The following ACSS3 variants were observed in gnomAD, a reference collection of about 807,000 sequenced individuals.
ACSS3 encodes acyl-CoA synthetase short-chain family member 3, mitochondrial.
Under a neutral mutation model 84.2 loss-of-function variants are expected in ACSS3, and 64 were observed. That is an observed-to-expected ratio of 0.76 (90% confidence interval 0.62 to 0.94). The LOEUF is 0.94. ACSS3 is among the 40% of genes least tolerant of loss of function. ACSS3 has a pLI of 0.00. For synonymous variants in ACSS3, 317 were observed against 310.1 expected (o/e 1.02, Z -0.23); for missense variants, 815 against 867.6 (o/e 0.94, Z 0.76).
intron 2 of ACSS3, among the ~76,000 whole-genome samples, chr12:81,119,646 C>T (rs568204392): frequency 4.6e-5 from 7 of 152,216 alleles, no homozygotes; most frequent in Admixed American, 6.5e-5. Flanking sequence ...CCTACTTGCA[C>T]GTCCATTTAT....
chr12:81,186,385 G>GCAGA lies in ACSS3; in HGVS notation c.1250+11448_1250+11449insGACA, dbSNP rs770334709. On this transcript the variant is annotated intron_variant, in intron 8 of 15. Coordinates refer to ENST00000548058, the MANE Select transcript of ACSS3 (RefSeq NM_024560.4). ...GAATTACATGAAACTAACAAGCTCT[G>GCAGA]CACAGCAAAGGAAACAGCTAACAAA... 7.2e-5 allele frequency among the ~76,000 whole-genome samples: 11 copies of GCAGA among 151,888 alleles called. No homozygotes were observed. In the East Asian group the frequency reaches 1.9e-3, roughly 27 times the overall value.
At chr12:81,125,710 C>A (rs1885044514) in intron 2 of ACSS3, 1 of 152,128 alleles carries the variant, frequency 6.6e-6, no homozygotes, top group South Asian at 2.1e-4. Flanking sequence ...ATTCTCAGTT[C>A]TGTGTCATCA....
At chr12:81,100,216 G>GTTTTTTT (rs34512313) in intron 1 of ACSS3, among the ~76,000 whole-genome samples, 4 of 106,556 alleles carry the variant, frequency 3.8e-5, no homozygotes, top group South Asian at 3.4e-4. Context: ...AAAATTACCA[G>GTTTTTTT]TTTTTTTTTT....
chr12:81,242,629 A>G (rs1195334443), intron 13 of ACSS3, among the ~76,000 whole-genome samples: 1 of 146,556 alleles, frequency 6.8e-6, no homozygotes, highest in African/African-American at 2.5e-5. Flanking sequence ...GGCAAACTGA[A>G]TCCAGCAGCA....
At chr12:81,122,994 G>A (rs1884765591) in intron 2 of ACSS3, among the ~76,000 whole-genome samples, 1 of 152,080 alleles carries the variant, frequency 6.6e-6, no homozygotes, top group African/African-American at 2.4e-5. Flanking sequence ...TCTGAGTGGT[G>A]TTTGGGTTCC....
intron 7 of ACSS3, among the ~76,000 whole-genome samples, chr12:81,168,129 G>A (rs757577775): frequency 6.6e-6 from 1 of 152,078 alleles, no homozygotes; most frequent in African/African-American, 2.4e-5. Flanking sequence ...TAAATTGTTG[G>A]TTCTTTGAGA....
intron 7 of ACSS3, 52 bp downstream of exon 7, chr12:81,152,148 C>G: frequency 2.7e-6 from 4 of 1,495,128 alleles, no homozygotes; most frequent in Non-Finnish European, 3.7e-6. Flanking sequence ...TTTATTAAAA[C>G]TTTTCATGAA....
chr12:81,184,380 G>A (rs2031128073), intron 8 of ACSS3, among the ~76,000 whole-genome samples: 1 of 151,686 alleles, frequency 6.6e-6, no homozygotes, highest in Admixed American at 6.6e-5. Flanking sequence ...ACCCCTCAAG[G>A]AATGCAAAAC....
intron 9 of ACSS3, among the ~76,000 whole-genome samples, chr12:81,203,400 T>A (rs897091093): frequency 2.6e-5 from 4 of 152,190 alleles, no homozygotes; most frequent in African/African-American, 7.2e-5. Flanking sequence ...GATTGCTAGG[T>A]ATTTCTTAAT....
intron 5 of ACSS3, among the ~76,000 whole-genome samples, chr12:81,150,987 C>T (rs542167627): frequency 1.3e-5 from 2 of 152,178 alleles, no homozygotes; most frequent in Non-Finnish European, 2.9e-5. Flanking sequence ...TTCACCTACT[C>T]ATTCTGAGTA....
Position 81,230,714 on chromosome 12 carries a change from T to C in ACSS3, c.1515-343T>C, listed in dbSNP as rs189413503. 1.6e-3 allele frequency among the ~76,000 whole-genome samples: 246 copies of C among 152,050 alleles called. 1 individual carries two copies. The highest frequency in any genetic ancestry group is 5.6e-3 in the African/African-American group (231 of 41,540). On this transcript the variant is annotated intron_variant, in intron 11 of 15. Coordinates refer to ENST00000548058, the MANE Select transcript of ACSS3 (RefSeq NM_024560.4). ...TAACTTTTCAATGGTGAAATAATAG[T>C]TTTCTAAGAAAGTAATTCAATGACA...
At chr12:81,184,800 CCAAA>C (rs938329179) in intron 8 of ACSS3, among the ~76,000 whole-genome samples, 28 of 151,724 alleles carry the variant, frequency 1.8e-4, no homozygotes, top group African/African-American at 6.3e-4. Context: ...CTGAATTTTA[CCAAA>C]CATTCAAAAA....
Position 81,186,910 on chromosome 12 carries a change from A to G in ACSS3, c.1250+11971A>G, listed in dbSNP as rs535736385. The stretch of plus-strand genomic sequence containing the variant: ...ACCTCATGAACATATTTGCATTCCC[A>G]TGTTCATTGTGGCATCATTCACAAT... On this transcript the variant is annotated intron_variant, in intron 8 of 15. Transcript: ENST00000548058. Among the ~76,000 whole-genome samples, 13 of 151,992 alleles carry G rather than the reference A, an allele frequency of 8.6e-5. No individual in the cohort carries two copies. In the South Asian group the frequency reaches 2.7e-3, roughly 31 times the overall value.
At chr12:81,112,538 C>T (rs1478853658) in intron 2 of ACSS3, among the ~76,000 whole-genome samples, 1 of 152,152 alleles carries the variant, frequency 6.6e-6, no homozygotes, top group East Asian at 1.9e-4. Context: ...AGCCTGACAT[C>T]AAAGTAGTTA....
At chr12:81,133,117 GTTT>G (rs35628584) in intron 2 of ACSS3, among the ~76,000 whole-genome samples, 2 of 150,676 alleles carry the variant, frequency 1.3e-5, no homozygotes, top group Non-Finnish European at 3.0e-5. Context: ...CTAAAATCGT[GTTT>G]TTTTTTTTCT....
At chr12:81,228,187 G>A (rs979571196) in intron 11 of ACSS3, among the ~76,000 whole-genome samples, 7 of 151,780 alleles carry the variant, frequency 4.6e-5, no homozygotes, top group Non-Finnish European at 1.0e-4. Context: ...ACCAACCTTC[G>A]AATAATTAGA....
chr12:81,136,009 A>G (rs1885779630), intron 3 of ACSS3, among the ~76,000 whole-genome samples: 2 of 152,146 alleles, frequency 1.3e-5, no homozygotes, highest in Non-Finnish European at 2.9e-5. Context: ...AGCTCCTGCT[A>G]TGTTCCTGAC....
chr12:81,233,712 G>A (rs1056605675), intron 13 of ACSS3, among the ~76,000 whole-genome samples: 8 of 151,524 alleles, frequency 5.3e-5, no homozygotes, highest in African/African-American at 1.9e-4. Flanking sequence ...TTGTTTATGG[G>A]AAAGCCTGTG....
chr12:81,222,281 A>G (rs771730299), intron 11 of ACSS3, among the ~76,000 whole-genome samples: 9 of 152,086 alleles, frequency 5.9e-5, no homozygotes, highest in Non-Finnish European at 1.0e-4. Context: ...GTGAAACTAG[A>G]TATTTGAATA....
Sources: gnomAD v4.1 joint callset for allele counts (sites outside exome capture counted in the v4.1 genomes callset) on GRCh38, gnomAD v4.1.1 for gene constraint, MANE v1.5 for transcripts, NCBI Gene and HGNC (gene_info 2026-07-23, HGNC 2026-07-21) for gene names.